The following RASSF3 variants were observed in gnomAD, a reference collection of about 807,000 sequenced individuals.
The protein encoded by RASSF3 is ras association domain-containing protein 3.
RASSF3 carries 19 observed loss-of-function variants against 19.9 expected under a neutral mutation model. That is an observed-to-expected ratio of 0.96 (90% confidence interval 0.67 to 1.40). The LOEUF is 1.40. Ranked by LOEUF, RASSF3 falls within the 40% of genes most tolerant of loss-of-function variation. RASSF3 has a pLI of 0.00. For synonymous variants in RASSF3, 110 were observed against 104.2 expected, an observed-to-expected ratio of 1.06 and a Z score of -0.34; for missense variants, 306 against 289.8, an observed-to-expected ratio of 1.06 and a Z score of -0.41.
chr12:64,633,084 T>C (rs1299328869), intron 1 of RASSF3, among the ~76,000 whole-genome samples: 1 of 152,204 alleles, frequency 6.6e-6, no homozygotes, highest in Non-Finnish European at 1.5e-5. Context: ...TCCTATCAGG[T>C]TAAAATCTGT....
At position 64,694,895 on chromosome 12, in the gene RASSF3, G is replaced by A. The variant is rs754352218; in HGVS notation, c.700G>A (p.Val234Met). The change falls in exon 5 of 5, where the codon GTG becomes ATG. Residue 234 changes from valine (V) to methionine (M), a missense_variant. Transcript: ENST00000542104. ...GAAGCTGGAAGAAGCCCTCCGTGAG[G>A]TGTGGAAGCCTGATTAAAGCGGGGC... The part of the protein sequence containing the change: ...RQKLEEALRE[V>M]WKPD 2 of 1,614,156 alleles carry A rather than the reference G, an allele frequency of 1.2e-6. No homozygotes were observed. Among genetic ancestry groups the A allele is most frequent in the East Asian group, 2.2e-5 (1 of 44,882 alleles).
intron 2 of RASSF3, among the ~76,000 whole-genome samples, chr12:64,561,092 T>C (rs1174926750): frequency 2.0e-5 from 3 of 152,202 alleles, no homozygotes; most frequent in Non-Finnish European, 2.9e-5. Flanking sequence ...GGGCGTTCTG[T>C]AAATGAGATG....
chr12:64,629,471 G>T (rs1182248052), intron 1 of RASSF3, among the ~76,000 whole-genome samples: 1 of 152,074 alleles, frequency 6.6e-6, no homozygotes, highest in Non-Finnish European at 1.5e-5. Context: ...CTTTTGATAT[G>T]TTATGAAAAT....
chr12:64,522,768 G>A (rs1244020011), intron 1 of RASSF3, among the ~76,000 whole-genome samples: 1 of 152,190 alleles, frequency 6.6e-6, no homozygotes, highest in Non-Finnish European at 1.5e-5. Flanking sequence ...CTTGGTTTCA[G>A]CTAAAGAGGC....
chr12:64,523,663 G>A (rs1378467776), intron 1 of RASSF3, among the ~76,000 whole-genome samples: 1 of 151,394 alleles, frequency 6.6e-6, no homozygotes, highest in Non-Finnish European at 1.5e-5. Flanking sequence ...GGAGGAAAAG[G>A]GCAAAAAAAT....
intron 2 of RASSF3, among the ~76,000 whole-genome samples, chr12:64,575,381 G>A (rs149212873): frequency 4.1e-4 from 63 of 152,134 alleles, no homozygotes; most frequent in Non-Finnish European, 6.0e-4. Context: ...GTCAAACCCC[G>A]TCTCTACTAA....
rs1420219190 is a variant in RASSF3 at position 64,642,952 on chromosome 12, G to A, written c.111+32209G>A. Among the ~76,000 whole-genome samples the A allele has an allele frequency of 2.0e-5, 3 of 150,660 alleles. No homozygotes were observed. The East Asian group carries it at 5.9e-4, about 30-fold the overall frequency. On this transcript the variant is annotated intron_variant, in intron 1 of 4. Coordinates refer to ENST00000542104, the MANE Select transcript of RASSF3 (RefSeq NM_178169.4). The stretch of plus-strand genomic sequence containing the variant: ...ACGATCTCAGCTCACTGCAACCTCC[G>A]CCTCTGGGGTTCAAGTGATTCTCGT...
intron 1 of RASSF3, among the ~76,000 whole-genome samples, chr12:64,645,557 T>G (rs1871702141): frequency 6.6e-6 from 1 of 152,108 alleles, no homozygotes; most frequent in Non-Finnish European, 1.5e-5. Context: ...TTTTTTATTT[T>G]GAGAAGTTTG....
intron 1 of RASSF3, among the ~76,000 whole-genome samples, chr12:64,642,428 C>T (rs1032089323): frequency 5.9e-5 from 9 of 151,332 alleles, no homozygotes; most frequent in South Asian, 4.2e-4. Context: ...GGCATGGTGG[C>T]GGGTGCCTGT....
chr12:64,694,081 G>A (rs1376158544), intron 4 of RASSF3, among the ~76,000 whole-genome samples: 1 of 152,196 alleles, frequency 6.6e-6, no homozygotes, highest in Non-Finnish European at 1.5e-5. Context: ...CTTGGGCAGA[G>A]AGTGAAGCTC....
chr12:64,694,929 C>G lies in RASSF3; in HGVS notation c.*17C>G, dbSNP rs73323421. The G allele has an allele frequency of 1.5e-4, 245 of 1,612,616 alleles. No individual in the cohort carries two copies. Among genetic ancestry groups the G allele is most frequent in the Admixed American group, 5.2e-4 (31 of 59,912 alleles). On this transcript the variant is annotated 3_prime_UTR_variant, in exon 5 of 5. Transcript: ENST00000542104. ...CCTGATTAAAGCGGGGCTCCCTGCC[C>G]GTGAGGCCCGGTGCAGGACCGATGT... is the stretch of plus-strand genomic sequence containing the variant.
At chr12:64,652,063 A>G (rs1174849154) in intron 1 of RASSF3, among the ~76,000 whole-genome samples, 1 of 152,218 alleles carries the variant, frequency 6.6e-6, no homozygotes, top group East Asian at 1.9e-4. Context: ...TTTGAAATTT[A>G]CAACAGACTA....
upstream of RASSF3, among the ~76,000 whole-genome samples, chr12:64,608,024 C>T (rs1477906453): frequency 6.6e-6 from 1 of 152,044 alleles, no homozygotes; most frequent in Non-Finnish European, 1.5e-5. Context: ...CCACCTCGGC[C>T]TTCCAAAGTG....
chr12:64,515,209 A>G (rs1046847962), intron 1 of RASSF3, among the ~76,000 whole-genome samples: 4 of 151,854 alleles, frequency 2.6e-5, no homozygotes, highest in African/African-American at 9.7e-5. Context: ...GGCGTCCACC[A>G]CCACACCCAG....
At chr12:64,579,876 G>A (rs923322936) in intron 2 of RASSF3, among the ~76,000 whole-genome samples, 3 of 149,312 alleles carry the variant, frequency 2.0e-5, no homozygotes, top group South Asian at 4.2e-4. Context: ...ATGCAGTGGC[G>A]CAATCTTGGC....
rs892544817 is a variant in RASSF3 at position 64,688,463 on chromosome 12, C to T, written c.457+10C>T. Reference sequence around the variant, plus strand: ...CACAGGGAAGACCAAGGTACGCTGCCAGCTTAAAAGGAAAATGGTCTGTGC... The same window carrying T: ...CACAGGGAAGACCAAGGTACGCTGCTAGCTTAAAAGGAAAATGGTCTGTGC... On this transcript the variant is annotated intron_variant, in intron 3 of 4. Coordinates refer to ENST00000542104, the MANE Select transcript of RASSF3 (RefSeq NM_178169.4). 1.9e-6 allele frequency: 3 copies of T among 1,588,574 alleles called. No homozygotes were observed. The highest frequency in any genetic ancestry group is 1.7e-5 in the Admixed American group (1 of 59,974).
chr12:64,585,820 G>T (rs1462932858), intron 2 of RASSF3, among the ~76,000 whole-genome samples: 1 of 151,866 alleles, frequency 6.6e-6, no homozygotes, highest in East Asian at 1.9e-4. Context: ...TGTCCAGGCT[G>T]GTGTCAAACT....
At chr12:64,507,946 A>G (rs1376318299) in intron 1 of RASSF3, among the ~76,000 whole-genome samples, 1 of 152,126 alleles carries the variant, frequency 6.6e-6, no homozygotes, top group Non-Finnish European at 1.5e-5. Flanking sequence ...GACCCCTCCA[A>G]GTCTGGTATC....
intron 1 of RASSF3, among the ~76,000 whole-genome samples, chr12:64,640,573 G>A (rs1871480563): frequency 6.6e-6 from 1 of 152,154 alleles, no homozygotes; most frequent in Non-Finnish European, 1.5e-5. Flanking sequence ...TTCTGTGACT[G>A]ATTTTATTTC....
Sources: gnomAD v4.1 joint callset for allele counts (sites outside exome capture counted in the v4.1 genomes callset) on GRCh38, gnomAD v4.1.1 for gene constraint, MANE v1.5 for transcripts, NCBI Gene and HGNC (gene_info 2026-07-23, HGNC 2026-07-21) for gene names.